The following ATRNL1 variants were observed in gnomAD, a reference collection of about 807,000 sequenced individuals.
The protein encoded by ATRNL1 is attractin-like protein 1.
Under a neutral mutation model 182.7 loss-of-function variants are expected in ATRNL1, and 95 were observed. The observed-to-expected ratio is 0.52, with a 90% CI of 0.44 to 0.62. The LOEUF (loss-of-function observed/expected upper bound fraction) is 0.62. Ranked by LOEUF, ATRNL1 falls within the 20% of genes least tolerant of loss-of-function variation. The pLI is 0.00. For missense variants in ATRNL1, 1,471 were observed against 1,679.5 expected (o/e 0.88, Z 2.17); for synonymous variants, 576 against 568.3 (o/e 1.01, Z -0.19).
In ATRNL1 at chr10:115,549,374, G is replaced by T. The variant is rs542083951; in HGVS notation, c.3717-84G>T. ...ACAAAGTTATTACTTATATATATATGTATTTGAGTCTTTCATGTACTGTTT... is the reference window on the plus strand; with the variant it reads ...ACAAAGTTATTACTTATATATATATTTATTTGAGTCTTTCATGTACTGTTT... On this transcript the variant is annotated intron_variant, in intron 25 of 28. Coordinates refer to ENST00000355044, the MANE Select transcript of ATRNL1 (RefSeq NM_207303.4). The T allele has an allele frequency of 1.4e-5, 11 of 791,258 alleles. No homozygotes were observed. In the East Asian group the frequency reaches 3.4e-4, roughly 24 times the overall value. The allele number at this position is 791,258 out of a possible 1,614,324, so 49.0% of individuals were successfully genotyped here.
intron 27 of ATRNL1, among the ~76,000 whole-genome samples, chr10:115,788,019 A>G (rs1412644396): frequency 3.3e-5 from 5 of 152,180 alleles, no homozygotes; most frequent in African/African-American, 9.7e-5. Flanking sequence ...TTAAGCCACC[A>G]AATTTGTGTA....
chr10:115,330,748 T>C (rs1320881520), intron 18 of ATRNL1, among the ~76,000 whole-genome samples: 1 of 151,392 alleles, frequency 6.6e-6, no homozygotes, highest in Non-Finnish European at 1.5e-5. Context: ...GTTATATATG[T>C]CTTAGGGTTA....
chr10:115,923,144 C>T (rs1168315433), intron 28 of ATRNL1, among the ~76,000 whole-genome samples: 1 of 152,148 alleles, frequency 6.6e-6, no homozygotes, highest in Non-Finnish European at 1.5e-5. Context: ...TGAAGTGGCT[C>T]TAATGAGGTG....
In ATRNL1 at chr10:115,178,705, C is replaced by CT. The variant is rs35601311; in HGVS notation, c.1348+7418dup. On this transcript the variant is annotated intron_variant, in intron 8 of 28. Transcript: ENST00000355044. ...AGTGCTGGAGGGAGCTAGCTGGGTC[C>CT]TTTTTGCCTTCCATCCTTCCACCAT... 2.0e-5 allele frequency among the ~76,000 whole-genome samples: 3 copies of CT among 152,050 alleles called. 1 individual carries two copies. In the South Asian group the frequency reaches 6.2e-4, roughly 32 times the overall value.
chr10:115,722,939 T>C (rs1307397006), intron 26 of ATRNL1, among the ~76,000 whole-genome samples: 1 of 152,184 alleles, frequency 6.6e-6, no homozygotes, highest in African/African-American at 2.4e-5. Flanking sequence ...GTTTTAAAAG[T>C]TTATGCATAA....
chr10:115,743,793 GTATGTGTATTAA>G (rs1948211712), intron 27 of ATRNL1, among the ~76,000 whole-genome samples: 3 of 794 alleles, frequency 3.8e-3, no homozygotes, highest in African/African-American at 7.3e-3. Flanking sequence ...TATTAAAATT[GTATGTGTATTAA>G]AATACACATA....
chr10:115,782,260 C>T (rs1555079480), intron 27 of ATRNL1, among the ~76,000 whole-genome samples: 1 of 152,116 alleles, frequency 6.6e-6, no homozygotes, highest in Non-Finnish European at 1.5e-5. Context: ...CCTTAACCAC[C>T]TCAACTTTAC....
At chr10:115,461,905 T>G in intron 21 of ATRNL1, 36 bp from the exon 22 acceptor site, 4 of 1,479,668 alleles carry the variant, frequency 2.7e-6, no homozygotes, top group South Asian at 1.2e-5. Context: ...GTTTTTAAAG[T>G]ACATATCAGG....
chr10:115,593,063 T>G (rs1555012870), intron 26 of ATRNL1, among the ~76,000 whole-genome samples: 1 of 152,182 alleles, frequency 6.6e-6, no homozygotes, highest in African/African-American at 2.4e-5. Context: ...AGTTCAAGGT[T>G]GAGGGGCATG....
At chr10:115,354,568 C>T (rs1057190627) in intron 19 of ATRNL1, among the ~76,000 whole-genome samples, 2 of 152,032 alleles carry the variant, frequency 1.3e-5, no homozygotes, top group Non-Finnish European at 1.5e-5. Context: ...AATATCAGAG[C>T]TCCTTTATAT....
intron 26 of ATRNL1, among the ~76,000 whole-genome samples, chr10:115,619,925 G>A (rs1207205384): frequency 6.6e-6 from 1 of 152,108 alleles, no homozygotes; most frequent in African/African-American, 2.4e-5. Context: ...TGAATCTTAA[G>A]GTTAAATGTA....
At chr10:115,235,941 T>G (rs2133806192) in intron 9 of ATRNL1, among the ~76,000 whole-genome samples, 1 of 152,284 alleles carries the variant, frequency 6.6e-6, no homozygotes, top group Admixed American at 6.5e-5. Context: ...TTATTCCTTC[T>G]TAGTCTCCCC....
chr10:115,101,734 G>C (rs535494896), intron 1 of ATRNL1, among the ~76,000 whole-genome samples: 81 of 152,224 alleles, frequency 5.3e-4, no homozygotes, highest in Non-Finnish European at 6.3e-4. Context: ...GGACTCTCCT[G>C]ATCATTTGCT....
chr10:115,551,566 G>A (rs1181847151), intron 26 of ATRNL1, among the ~76,000 whole-genome samples: 1 of 151,346 alleles, frequency 6.6e-6, no homozygotes, highest in African/African-American at 2.4e-5. Context: ...AATAGTGTTT[G>A]CATTTAATTT....
At chr10:115,803,918 T>C (rs1555085045) in intron 27 of ATRNL1, among the ~76,000 whole-genome samples, 1 of 152,230 alleles carries the variant, frequency 6.6e-6, no homozygotes, top group East Asian at 1.9e-4. Flanking sequence ...GAGATATCTA[T>C]GGACTACAGT....
intron 26 of ATRNL1, among the ~76,000 whole-genome samples, chr10:115,635,831 A>G (rs1184804892): frequency 6.6e-5 from 10 of 152,184 alleles, no homozygotes; most frequent in Admixed American, 5.9e-4. Context: ...GTGAACCACT[A>G]CATGTAAGTA....
intron 25 of ATRNL1, among the ~76,000 whole-genome samples, chr10:115,532,405 T>G (rs1444674045): frequency 2.0e-5 from 3 of 152,142 alleles, no homozygotes; most frequent in Non-Finnish European, 4.4e-5. Context: ...TGAATGGGAG[T>G]TCACTCATGA....
At chr10:115,920,983 G>C (rs1475487693) in intron 28 of ATRNL1, among the ~76,000 whole-genome samples, 1 of 152,142 alleles carries the variant, frequency 6.6e-6, no homozygotes, top group Admixed American at 6.6e-5. Flanking sequence ...TAACAGAAAT[G>C]GTTATTGAAA....
chr10:115,362,889 A>G (rs1445734561), intron 19 of ATRNL1, among the ~76,000 whole-genome samples: 4 of 151,454 alleles, frequency 2.6e-5, no homozygotes, highest in Non-Finnish European at 5.9e-5. Flanking sequence ...CATGGTGTAT[A>G]TGTGCCACAT....
Sources: gnomAD v4.1 joint callset for allele counts (sites outside exome capture counted in the v4.1 genomes callset) on GRCh38, gnomAD v4.1.1 for gene constraint, MANE v1.5 for transcripts, NCBI Gene and HGNC (gene_info 2026-07-23, HGNC 2026-07-21) for gene names.